Variants in SLC2A9 observed in about 807,000 individuals in gnomAD.
SLC2A9 encodes the protein solute carrier family 2 member 9, also known as solute carrier family 2, facilitated glucose transporter member 9.
SLC2A9 carries 39 observed loss-of-function variants against 50.6 expected under a neutral mutation model. The observed-to-expected ratio is 0.77, with a 90% confidence interval of 0.60 to 1.01. The LOEUF is 1.01. Ranked by LOEUF, SLC2A9 falls within the 50% of genes least tolerant of loss-of-function variation. The probability of loss-of-function intolerance (pLI) is 0.00; values close to 1 mark genes in which losing one functional copy is unlikely to be tolerated. For synonymous variants in SLC2A9, 324 were observed against 276.9 expected (o/e 1.17, Z -1.69); for missense variants, 686 against 677.6 (o/e 1.01, Z -0.14).
chr4:10,020,261 G>A (rs1241018444), intron 1 of SLC2A9, among the ~76,000 whole-genome samples: 1 of 152,056 alleles, frequency 6.6e-6, no homozygotes, highest in Non-Finnish European at 1.5e-5. Context: ...ATAGAGCTTT[G>A]GGGCTTTGAG....
intron 10 of SLC2A9, among the ~76,000 whole-genome samples, chr4:9,864,079 A>C (rs1171016939): frequency 6.6e-6 from 1 of 152,008 alleles, no homozygotes; most frequent in African/African-American, 2.4e-5. Flanking sequence ...ACCATGCTTC[A>C]GTCTGCAAGT....
intron 8 of SLC2A9, among the ~76,000 whole-genome samples, chr4:9,891,787 C>A (rs1737489796): frequency 6.6e-6 from 1 of 152,164 alleles, no homozygotes; most frequent in African/African-American, 2.4e-5. Context: ...ATGTGGAGAG[C>A]TTGTCAGGCA....
intron 8 of SLC2A9, among the ~76,000 whole-genome samples, chr4:9,902,864 A>G (rs969400110): frequency 1.3e-5 from 2 of 152,194 alleles, no homozygotes; most frequent in Admixed American, 1.3e-4. Flanking sequence ...GGACTTCAAC[A>G]CATGCATTTT....
At chr4:10,026,286 G>T (rs1013998747), upstream of SLC2A9, among the ~76,000 whole-genome samples, 5 of 152,070 alleles carry the variant, frequency 3.3e-5, no homozygotes, top group African/African-American at 9.7e-5. Flanking sequence ...TTATCTCTCT[G>T]TGTTGGATCT....
At chr4:9,991,702 T>C (rs572503595) in intron 3 of SLC2A9, among the ~76,000 whole-genome samples, 50 of 152,150 alleles carry the variant, frequency 3.3e-4, no homozygotes, top group Non-Finnish European at 5.4e-4. Flanking sequence ...TGTGGGATGA[T>C]TGGTGTCCTT....
intron 1 of SLC2A9, among the ~76,000 whole-genome samples, chr4:10,039,074 T>TTGGCA (rs1420340828): frequency 1.3e-5 from 2 of 152,246 alleles, no homozygotes; most frequent in Non-Finnish European, 2.9e-5. Flanking sequence ...GCTGGCCCAG[T>TTGGCA]TGGCATGTGA....
downstream of SLC2A9, among the ~76,000 whole-genome samples, chr4:9,775,024 G>A (rs904686265): frequency 2.0e-5 from 3 of 152,258 alleles, no homozygotes; most frequent in East Asian, 3.9e-4. Flanking sequence ...TGCACACCTC[G>A]GTGGACCACT....
chr4:9,928,277 T>C (rs1745275853), intron 6 of SLC2A9, among the ~76,000 whole-genome samples: 1 of 152,244 alleles, frequency 6.6e-6, no homozygotes, highest in Non-Finnish European at 1.5e-5. Flanking sequence ...ACAGAGATTT[T>C]CAAATTCAAG....
chr4:10,021,819 C>A (rs1403297356), upstream of SLC2A9, among the ~76,000 whole-genome samples: 147 of 150,858 alleles, frequency 9.7e-4, 3 homozygotes, highest in Admixed American at 9.6e-3. Flanking sequence ...AGCCTGCATA[C>A]AGCTCTGCCC....
At chr4:9,822,543 C>T (rs893466102), downstream of SLC2A9, among the ~76,000 whole-genome samples, 2 of 152,104 alleles carry the variant, frequency 1.3e-5, no homozygotes, top group African/African-American at 4.8e-5. Flanking sequence ...TATATTTTCT[C>T]ACTCTTTTAC....
At chr4:9,812,879 C>T (rs1005644345) in intron 3 of SLC2A9, among the ~76,000 whole-genome samples, 4 of 152,130 alleles carry the variant, frequency 2.6e-5, no homozygotes, top group Non-Finnish European at 5.9e-5. Context: ...AGGAAATTTA[C>T]TCGACTTAAT....
intron 5 of SLC2A9, among the ~76,000 whole-genome samples, chr4:9,945,889 G>A (rs1199286334): frequency 6.6e-6 from 1 of 152,178 alleles, no homozygotes; most frequent in African/African-American, 2.4e-5. Flanking sequence ...CGTGGGAAAG[G>A]GCTTTCCTAC....
intron 3 of SLC2A9, among the ~76,000 whole-genome samples, chr4:9,800,571 T>C (rs1357540359): frequency 1.3e-5 from 2 of 152,200 alleles, no homozygotes; most frequent in South Asian, 2.1e-4. Flanking sequence ...GAAAATACTT[T>C]TGTGTTGTTT....
intron 1 of SLC2A9, among the ~76,000 whole-genome samples, chr4:9,772,270 T>C (rs2108814749): frequency 6.6e-6 from 1 of 152,208 alleles, no homozygotes; most frequent in South Asian, 2.1e-4. Context: ...ATAGAAGGGG[T>C]TGGCTGGTGG....
chr4:10,032,857 G>A (rs1420967688), intron 1 of SLC2A9, among the ~76,000 whole-genome samples: 1 of 152,182 alleles, frequency 6.6e-6, no homozygotes, highest in African/African-American at 2.4e-5. Flanking sequence ...TGAGGTTGCA[G>A]TTCTGATGAC....
At chr4:9,923,051 T>C (rs1744222889) in intron 6 of SLC2A9, 1 of 152,212 alleles carries the variant, frequency 6.6e-6, no homozygotes, top group South Asian at 2.1e-4. Context: ...CTATTCCACA[T>C]GCACCCTTTC....
chr4:9,996,831 A>G lies in SLC2A9; in HGVS notation c.360T>C (p.Gly120=). Residue 120 remains glycine (G), a synonymous_variant, in exon 3 of 12, where the codon GGT becomes GGC. Transcript: ENST00000264784. Reference sequence around the variant, plus strand: ...TCACAATTAACGTCCCCACAAGTCCACCGATGGCGAATATGGACACAGTCA... The same window carrying G: ...TCACAATTAACGTCCCCACAAGTCCGCCGATGGCGAATATGGACACAGTCA... ...WSVTVSIFAI[G]GLVGTLIVKM... is the part of the protein sequence containing the mutation. 6.2e-7 allele frequency: 1 copy of G among 1,614,128 alleles called. No individual in the cohort carries two copies. Among genetic ancestry groups the G allele is most frequent in the African/African-American group, 1.3e-5 (1 of 75,034 alleles).
downstream of SLC2A9, chr4:9,798,704 T>C (rs547840917): frequency 2.0e-5 from 3 of 152,074 alleles, no homozygotes; most frequent in South Asian, 4.2e-4. Flanking sequence ...TCCCGTGTTG[T>C]AGATGGACAA....
At chr4:9,792,122 T>C (rs1022224647) in intron 3 of SLC2A9, among the ~76,000 whole-genome samples, 1 of 151,816 alleles carries the variant, frequency 6.6e-6, no homozygotes, top group Non-Finnish European at 1.5e-5. Flanking sequence ...CATTTCTCTA[T>C]TCCAGGATAC....
Sources: allele counts gnomAD v4.1 joint callset (sites outside exome capture counted in the v4.1 genomes callset), GRCh38; gene constraint gnomAD v4.1.1; transcripts MANE v1.5; gene names NCBI Gene and HGNC (gene_info 2026-07-23, HGNC 2026-07-21).